The following SYN3 variants were observed in gnomAD, a reference collection of about 807,000 sequenced individuals.
The protein encoded by SYN3 is synapsin III.
In SYN3, 35 loss-of-function variants were observed where a neutral mutation model predicts 65.8. The ratio of observed to expected loss-of-function variants is 0.53; its 90% CI spans 0.41 to 0.70. The LOEUF is 0.70. SYN3 is among the 30% of genes least tolerant of loss of function. SYN3 has a pLI of 0.00. For synonymous variants in SYN3, 270 were observed against 292.9 expected (o/e 0.92, Z 0.80); for missense variants, 680 against 749.0 (o/e 0.91, Z 1.08).
At chr22:32,886,640 C>T (rs1312411430) in intron 4 of SYN3, among the ~76,000 whole-genome samples, 3 of 152,214 alleles carry the variant, frequency 2.0e-5, no homozygotes, top group Admixed American at 1.3e-4. Flanking sequence ...AAAAGATATA[C>T]TTTCATCACC....
intron 7 of SYN3, among the ~76,000 whole-genome samples, chr22:32,588,762 G>A (rs1435686176): frequency 1.3e-5 from 2 of 152,170 alleles, no homozygotes; most frequent in African/African-American, 4.8e-5. Flanking sequence ...GCTTTACCCT[G>A]ACACTATACC....
At chr22:32,871,321 G>T (rs2048843781) in intron 4 of SYN3, among the ~76,000 whole-genome samples, 1 of 152,190 alleles carries the variant, frequency 6.6e-6, no homozygotes, top group Non-Finnish European at 1.5e-5. Context: ...TCTGGCTCCA[G>T]ATATTATGGT....
intron 6 of SYN3, among the ~76,000 whole-genome samples, chr22:32,709,558 C>T (rs2060927707): frequency 6.6e-6 from 1 of 151,998 alleles, no homozygotes; most frequent in Non-Finnish European, 1.5e-5. Flanking sequence ...TTTTTACGCC[C>T]CTTTAAAAGA....
rs1396287295 is a variant in SYN3 at position 32,518,213 on chromosome 22, C to T, written c.1440G>A (p.Arg480=). 2 of 1,613,900 alleles carry T rather than the reference C, an allele frequency of 1.2e-6. No homozygotes were observed. The highest frequency in any genetic ancestry group is 1.7e-6 in the Non-Finnish European group (2 of 1,179,978). The part of the protein sequence containing the change: ...SPQSGSPQQQ[R]SPGSPQLSRA... ...GGGATAGCTGCGGAGAGCCTGGTGACCTTTGCTGCTGTGGAGATCCGGACT... is the reference window on the plus strand; with the variant it reads ...GGGATAGCTGCGGAGAGCCTGGTGATCTTTGCTGCTGTGGAGATCCGGACT... The change falls in exon 13 of 14, where the codon AGG becomes AGA. Residue 480 remains arginine (R), a synonymous_variant. Coordinates refer to ENST00000358763, the MANE Select transcript of SYN3 (RefSeq NM_003490.4).
At chr22:32,613,887 A>G (rs1461542420) in intron 6 of SYN3, among the ~76,000 whole-genome samples, 1 of 151,952 alleles carries the variant, frequency 6.6e-6, no homozygotes, top group Non-Finnish European at 1.5e-5. Context: ...CCTTCCACCT[A>G]CGGAAGAGGC....
intron 6 of SYN3, among the ~76,000 whole-genome samples, chr22:32,812,455 G>C (rs2046940497): frequency 6.6e-6 from 1 of 152,176 alleles, no homozygotes; most frequent in Admixed American, 6.5e-5. Flanking sequence ...CTTAGTCGAT[G>C]GCTAGAATTA....
intron 6 of SYN3, among the ~76,000 whole-genome samples, chr22:32,724,367 C>T (rs1356557093): frequency 6.6e-6 from 1 of 152,162 alleles, no homozygotes; most frequent in African/African-American, 2.4e-5. Flanking sequence ...TCTGGGACTA[C>T]AGAAGGGTAA....
At chr22:32,824,957 T>C (rs1245708346) in intron 6 of SYN3, among the ~76,000 whole-genome samples, 1 of 152,134 alleles carries the variant, frequency 6.6e-6, no homozygotes, top group Non-Finnish European at 1.5e-5. Context: ...GCAGTGACTT[T>C]ATGACATAAA....
At chr22:32,922,248 G>A (rs2050353621) in intron 4 of SYN3, among the ~76,000 whole-genome samples, 1 of 152,196 alleles carries the variant, frequency 6.6e-6, no homozygotes, top group Non-Finnish European at 1.5e-5. Flanking sequence ...AGGCCTTGGA[G>A]CCAGACTGCC....
intron 6 of SYN3, among the ~76,000 whole-genome samples, chr22:32,738,331 G>A (rs1434866870): frequency 6.6e-6 from 1 of 152,200 alleles, no homozygotes; most frequent in Non-Finnish European, 1.5e-5. Flanking sequence ...GTTCCCATGA[G>A]TGTGAACACG....
intron 3 of SYN3, among the ~76,000 whole-genome samples, chr22:32,973,860 C>T (rs934280529): frequency 6.6e-6 from 1 of 152,226 alleles, no homozygotes; most frequent in African/African-American, 2.4e-5. Flanking sequence ...ACGATCTTCG[C>T]CCACTGCAAC....
chr22:32,958,207 C>G (rs565738054), intron 3 of SYN3, among the ~76,000 whole-genome samples: 1 of 152,304 alleles, frequency 6.6e-6, no homozygotes, highest in East Asian at 1.9e-4. Context: ...CTTCCACAAC[C>G]ACATCAACAG....
intron 6 of SYN3, among the ~76,000 whole-genome samples, chr22:32,690,530 T>C (rs1244855149): frequency 6.6e-6 from 1 of 152,148 alleles, no homozygotes; most frequent in Non-Finnish European, 1.5e-5. Flanking sequence ...ATGGGGTCAC[T>C]CTCATGGGAG....
chr22:32,593,455 A>T (rs1238017418), intron 7 of SYN3, among the ~76,000 whole-genome samples: 1 of 152,206 alleles, frequency 6.6e-6, no homozygotes, highest in Non-Finnish European at 1.5e-5. Context: ...AGAAAGATAC[A>T]GGTCAGAGAA....
chr22:33,012,846 C>A (rs2053381804), intron 1 of SYN3, among the ~76,000 whole-genome samples: 1 of 152,236 alleles, frequency 6.6e-6, no homozygotes, highest in Non-Finnish European at 1.5e-5. Flanking sequence ...GGAAGAGCCA[C>A]CTAAATGTAT....
At chr22:32,911,063 G>A (rs1225689648) in intron 4 of SYN3, among the ~76,000 whole-genome samples, 3 of 152,116 alleles carry the variant, frequency 2.0e-5, no homozygotes, top group African/African-American at 7.2e-5. Flanking sequence ...ACAGACATAG[G>A]GTCATAGCAA....
At chr22:32,730,742 A>G (rs11089592) in intron 6 of SYN3, among the ~76,000 whole-genome samples, 71,438 of 151,970 alleles carry the variant, frequency 0.47, 17,433 homozygotes, top group African/African-American at 0.62. Context: ...AATTTGTTAC[A>G]AAGCACACAG....
At chr22:32,863,526 C>T (rs1307874882) in intron 6 of SYN3, among the ~76,000 whole-genome samples, 1 of 152,176 alleles carries the variant, frequency 6.6e-6, no homozygotes, top group East Asian at 1.9e-4. Flanking sequence ...GACCTTTTCC[C>T]AGAGCTTATA....
chr22:32,845,566 G>C (rs2048036746), intron 6 of SYN3, among the ~76,000 whole-genome samples: 1 of 152,126 alleles, frequency 6.6e-6, no homozygotes, highest in African/African-American at 2.4e-5. Flanking sequence ...TCTATTTCTT[G>C]TTGTCACCCT....
Sources: allele counts gnomAD v4.1 joint callset (sites outside exome capture counted in the v4.1 genomes callset), GRCh38; gene constraint gnomAD v4.1.1; transcripts MANE v1.5; gene names NCBI Gene and HGNC (gene_info 2026-07-23, HGNC 2026-07-21).